The following RMDN2 variants were observed in gnomAD, a reference collection of about 807,000 sequenced individuals.
RMDN2 encodes regulator of microtubule dynamics protein 2.
A neutral mutation model predicts 52.8 loss-of-function variants in RMDN2; 61 were observed. That is an observed-to-expected ratio of 1.16 (90% CI 0.94 to 1.43). RMDN2 has a LOEUF of 1.43. Ranked by LOEUF, RMDN2 falls within the 40% of genes most tolerant of loss-of-function variation. The probability of loss-of-function intolerance (pLI) is 0.00; values close to 1 mark genes in which losing one functional copy is unlikely to be tolerated. For synonymous variants in RMDN2, 180 were observed against 153.1 expected (o/e 1.18, Z -1.30); for missense variants, 592 against 475.3 (o/e 1.25, Z -2.28).
intron 10 of RMDN2, among the ~76,000 whole-genome samples, chr2:38,055,003 G>A (rs1681799989): frequency 6.6e-6 from 1 of 152,142 alleles, no homozygotes; most frequent in Admixed American, 6.5e-5. Flanking sequence ...TACCAGAAAT[G>A]TCTTATGTAC....
chr2:38,008,768 G>A (rs566955823), intron 10 of RMDN2, among the ~76,000 whole-genome samples: 4 of 152,160 alleles, frequency 2.6e-5, no homozygotes, highest in African/African-American at 7.2e-5. Context: ...TGGTTATTTC[G>A]CTCATTAGCT....
At position 38,004,855 on chromosome 2, in the gene RMDN2, C is replaced by G. The variant is rs139887085; in HGVS notation, c.1179+639C>G. 5.4e-3 allele frequency among the ~76,000 whole-genome samples: 817 copies of G among 152,062 alleles called. 2 individuals are homozygous for G. Among genetic ancestry groups the G allele is most frequent in the African/African-American group, 0.019 (775 of 41,474 alleles). ...TAATGCTATCCCTCCCCACTCCCCC[C>G]ACCCCACAACAGGCCCCGGTGTGTG... On this transcript the variant is annotated intron_variant, in intron 10 of 10. Coordinates refer to ENST00000354545, the MANE Select transcript of RMDN2 (RefSeq NM_001170791.3).
At chr2:38,008,541 T>C (rs1042597754) in intron 10 of RMDN2, among the ~76,000 whole-genome samples, 2 of 152,182 alleles carry the variant, frequency 1.3e-5, no homozygotes, top group African/African-American at 4.8e-5. Context: ...CTGCCTTTTT[T>C]TGTTTTCCAT....
intron 10 of RMDN2, among the ~76,000 whole-genome samples, chr2:38,022,795 T>A (rs1485540118): frequency 6.6e-6 from 1 of 152,208 alleles, no homozygotes; most frequent in Non-Finnish European, 1.5e-5. Context: ...TACTTTTCGA[T>A]TTCAAAAAGC....
intron 2 of RMDN2, among the ~76,000 whole-genome samples, chr2:37,942,299 T>G (rs1667863143): frequency 6.6e-6 from 1 of 152,174 alleles, no homozygotes; most frequent in Admixed American, 6.5e-5. Context: ...ATCACCCTTC[T>G]GCGTTGGTCT....
upstream of RMDN2, chr2:37,923,166 T>C (rs1056434646): frequency 5.3e-5 from 8 of 152,240 alleles, no homozygotes; most frequent in Admixed American, 3.9e-4. Context: ...CTGGCAAAGA[T>C]AGCGCCTGTC....
chr2:37,973,336 A>G (rs1672042455), intron 2 of RMDN2, among the ~76,000 whole-genome samples: 1 of 152,184 alleles, frequency 6.6e-6, no homozygotes, highest in Non-Finnish European at 1.5e-5. Flanking sequence ...AACTATAAAT[A>G]TGTGTTTTTG....
At position 37,974,228 on chromosome 2, in the gene RMDN2, C is replaced by T. The variant is rs973818798; in HGVS notation, c.627+14C>T. ...CACAAAGAAAAGGTAAGAGACATAA[C>T]AATAGCACTTCGTATAGTTCCATTT... On this transcript the variant is annotated intron_variant, in intron 3 of 10. Coordinates refer to ENST00000354545, the MANE Select transcript of RMDN2 (RefSeq NM_001170791.3). The T allele has an allele frequency of 2.5e-6, 4 of 1,583,780 alleles. No homozygotes were observed. Among genetic ancestry groups the T allele is most frequent in the Admixed American group, 1.8e-5 (1 of 56,366 alleles).
At position 38,017,336 on chromosome 2, in the gene RMDN2, G is replaced by T. The variant is rs1386359242; in HGVS notation, c.*97G>T. ...ATTATCCTTCATTTTTGATGTAAGG[G>T]TATTGTGCTTAGATTTGAAGGTAAA... is the stretch of plus-strand genomic sequence containing the variant. On this transcript the variant is annotated 3_prime_UTR_variant, in exon 11 of 11. Coordinates refer to ENST00000354545, the MANE Select transcript of RMDN2 (RefSeq NM_001170791.3). 8 of 1,426,126 alleles carry T rather than the reference G, an allele frequency of 5.6e-6. No individual in the cohort carries two copies. The highest frequency in any genetic ancestry group is 7.4e-6 in the Non-Finnish European group (8 of 1,084,118). 88.3% of individuals were successfully genotyped at this position (1,426,126 alleles called of 1,614,324 possible). A position where few individuals can be genotyped will look rare whatever the true frequency, so the allele number is the denominator to read the frequency against.
chr2:38,019,469 A>G (rs1369385547), downstream of RMDN2, among the ~76,000 whole-genome samples: 2 of 152,204 alleles, frequency 1.3e-5, no homozygotes, highest in African/African-American at 2.4e-5. Flanking sequence ...TATGAGCTTG[A>G]CCCAATAGAA....
chr2:37,953,016 A>G (rs1022198756), intron 2 of RMDN2: 1 of 152,010 alleles, frequency 6.6e-6, no homozygotes, highest in Non-Finnish European at 1.5e-5. Context: ...TTAAGTTAGA[A>G]TACAATTAGA....
chr2:38,066,438 AT>A (rs975828852), intron 10 of RMDN2, among the ~76,000 whole-genome samples: 5 of 152,160 alleles, frequency 3.3e-5, no homozygotes, highest in Non-Finnish European at 7.4e-5. Context: ...AATATATTTA[AT>A]TTTTTTCTTC....
At chr2:38,056,534 C>T (rs1198115042) in intron 10 of RMDN2, among the ~76,000 whole-genome samples, 2 of 152,158 alleles carry the variant, frequency 1.3e-5, no homozygotes, top group Non-Finnish European at 2.9e-5. Flanking sequence ...ATAATAGATG[C>T]TGAATAAATG....
chr2:37,944,118 G>A (rs1026091181), intron 2 of RMDN2, among the ~76,000 whole-genome samples: 7 of 152,078 alleles, frequency 4.6e-5, no homozygotes, highest in African/African-American at 1.7e-4. Context: ...TTGCCAAGCC[G>A]AAAACTTGGA....
intron 7 of RMDN2, among the ~76,000 whole-genome samples, chr2:37,994,934 A>G (rs1486130146): frequency 6.6e-6 from 1 of 152,186 alleles, no homozygotes; most frequent in Non-Finnish European, 1.5e-5. Flanking sequence ...TTGATATGAA[A>G]CTCTAGAAAA....
At chr2:38,010,056 G>A (rs1408929074) in intron 10 of RMDN2, among the ~76,000 whole-genome samples, 1 of 152,174 alleles carries the variant, frequency 6.6e-6, no homozygotes, top group Non-Finnish European at 1.5e-5. Flanking sequence ...GTTGCTGCCT[G>A]ATCGTTCCTC....
In RMDN2 at chr2:37,951,822, A is replaced by G. The variant is rs75764221; in HGVS notation, c.452+22093A>G. Reference sequence around the variant, plus strand: ...TACTTCTCCAGCCTTTGGGAACACTATTGATACAGCCTCCTATCAACAAAG... The same window carrying G: ...TACTTCTCCAGCCTTTGGGAACACTGTTGATACAGCCTCCTATCAACAAAG... On this transcript the variant is annotated intron_variant, in intron 2 of 10. Transcript: ENST00000354545. 3.1e-3 allele frequency: 5,052 copies of G among 1,613,618 alleles called. 131 individuals carry two copies. The African/African-American group carries it at 0.06, about 19-fold the overall frequency.
intron 10 of RMDN2, chr2:38,030,694 G>A (rs1680134682): frequency 6.6e-6 from 1 of 152,260 alleles, no homozygotes; most frequent in East Asian, 1.9e-4. Context: ...CACTAAGATA[G>A]TTTAAGAAAA....
intron 10 of RMDN2, among the ~76,000 whole-genome samples, chr2:38,037,406 T>C (rs1222551938): frequency 6.6e-6 from 1 of 152,240 alleles, no homozygotes; most frequent in Non-Finnish European, 1.5e-5. Context: ...TGGTGAAGAC[T>C]TGCTGACTAT....
Sources: gnomAD v4.1 joint callset for allele counts (sites outside exome capture counted in the v4.1 genomes callset) on GRCh38, gnomAD v4.1.1 for gene constraint, MANE v1.5 for transcripts, NCBI Gene and HGNC (gene_info 2026-07-23, HGNC 2026-07-21) for gene names.